DOCK4: variants seen among roughly 807,000 people sequenced by gnomAD.
DOCK4 encodes the protein dedicator of cytokinesis protein 4.
A neutral mutation model predicts 268.1 loss-of-function variants in DOCK4; 97 were observed. That is an observed-to-expected ratio of 0.36 (90% CI 0.31 to 0.43). The LOEUF is 0.43. DOCK4 is among the 20% of genes least tolerant of loss of function. DOCK4 has a pLI of 1.00. For synonymous variants in DOCK4, 954 were observed against 887.2 expected, an observed-to-expected ratio of 1.08 and a Z score of -1.34; for missense variants, 2,145 against 2,455.7, an observed-to-expected ratio of 0.87 and a Z score of 2.67.
chr7:111,891,737 T>A (rs1230913927), intron 16 of DOCK4, among the ~76,000 whole-genome samples: 2 of 152,218 alleles, frequency 1.3e-5, no homozygotes, highest in Non-Finnish European at 2.9e-5. Flanking sequence ...TCCCTTAACC[T>A]TGCTCTCCAA....
chr7:111,894,593 G>T (rs1380914589), intron 16 of DOCK4, among the ~76,000 whole-genome samples: 1 of 152,154 alleles, frequency 6.6e-6, no homozygotes. Flanking sequence ...CCAGGGATGA[G>T]CAGAAGACAC....
chr7:111,977,338 G>A, intron 7 of DOCK4, 55 bp from the exon 8 acceptor site: 2 of 1,545,508 alleles, frequency 1.3e-6, no homozygotes, highest in Non-Finnish European at 1.7e-6. Context: ...GGAAATAACA[G>A]GACCCAACAA....
At chr7:111,976,272 TATATATATATATATATATA>T (rs1798194825) in intron 8 of DOCK4, among the ~76,000 whole-genome samples, 1 of 1,914 alleles carries the variant, frequency 5.2e-4, no homozygotes, top group African/African-American at 8.7e-4. Context: ...GTGTCTATTA[TATATATATATATATATATA>T]TATATATATA....
intron 36 of DOCK4, among the ~76,000 whole-genome samples, chr7:111,771,517 C>T (rs1366048151): frequency 6.6e-6 from 1 of 152,166 alleles, no homozygotes; most frequent in East Asian, 1.9e-4. Flanking sequence ...CGGACACAGA[C>T]ACAGAGCTGA....
At chr7:112,038,538 G>A (rs991586157) in intron 1 of DOCK4, among the ~76,000 whole-genome samples, 2 of 152,088 alleles carry the variant, frequency 1.3e-5, no homozygotes, top group African/African-American at 4.8e-5. Flanking sequence ...GCCAAGTGAG[G>A]TCAAGAACAG....
At chr7:112,175,201 T>C (rs1018785725) in intron 1 of DOCK4, among the ~76,000 whole-genome samples, 1 of 152,144 alleles carries the variant, frequency 6.6e-6, no homozygotes, top group African/African-American at 2.4e-5. Flanking sequence ...ATCTTAATCA[T>C]TTCTTCATCT....
At chr7:112,159,752 T>C (rs1295479727) in intron 1 of DOCK4, among the ~76,000 whole-genome samples, 1 of 148,066 alleles carries the variant, frequency 6.8e-6, no homozygotes, top group Admixed American at 6.7e-5. Context: ...TGCATATACC[T>C]TCCCTCTGTA....
At chr7:112,134,129 A>T (rs900341679) in intron 1 of DOCK4, among the ~76,000 whole-genome samples, 3 of 152,212 alleles carry the variant, frequency 2.0e-5, no homozygotes, top group African/African-American at 7.2e-5. Context: ...ATGCTTCAGA[A>T]TCGTTTCAAT....
intron 1 of DOCK4, among the ~76,000 whole-genome samples, chr7:112,149,953 C>T (rs906560405): frequency 6.6e-6 from 1 of 152,212 alleles, no homozygotes; most frequent in African/African-American, 2.4e-5. Flanking sequence ...ATTTACTGAA[C>T]ATTTACTGTG....
chr7:112,186,189 G>A (rs1406303141), intron 1 of DOCK4, among the ~76,000 whole-genome samples: 1 of 152,178 alleles, frequency 6.6e-6, no homozygotes, highest in Non-Finnish European at 1.5e-5. Flanking sequence ...CATCCCAGTG[G>A]GGTTGCTTGG....
At chr7:111,978,334 C>A (rs1002087831) in intron 7 of DOCK4, among the ~76,000 whole-genome samples, 2 of 152,164 alleles carry the variant, frequency 1.3e-5, no homozygotes, top group Non-Finnish European at 2.9e-5. Flanking sequence ...CAGGCTCAAG[C>A]GATCCTCCTG....
intron 46 of DOCK4, 133 bp downstream of exon 46, chr7:111,741,407 A>G: frequency 1.4e-6 from 2 of 1,420,662 alleles, no homozygotes; most frequent in Middle Eastern, 1.9e-4. Context: ...AGAGGTCTGC[A>G]GCTGCCTCGC....
intron 12 of DOCK4, among the ~76,000 whole-genome samples, 172 bp from the exon 13 acceptor site, chr7:111,916,076 A>C (rs1413261465): frequency 6.6e-6 from 1 of 152,198 alleles, no homozygotes; most frequent in Non-Finnish European, 1.5e-5. Context: ...CACTTTTCCA[A>C]CTTCAACATC....
intron 1 of DOCK4, among the ~76,000 whole-genome samples, chr7:112,088,203 T>C (rs1244725872): frequency 6.6e-6 from 1 of 152,026 alleles, no homozygotes; most frequent in Non-Finnish European, 1.5e-5. Context: ...GGAGGATCAG[T>C]TTTAGAGTGA....
At chr7:111,937,509 G>A (rs1794837696) in intron 11 of DOCK4, among the ~76,000 whole-genome samples, 1 of 152,170 alleles carries the variant, frequency 6.6e-6, no homozygotes, top group Admixed American at 6.5e-5. Flanking sequence ...TGGCAGGGCT[G>A]GAATGCATAG....
intron 22 of DOCK4, among the ~76,000 whole-genome samples, chr7:111,866,218 G>C (rs971936831): frequency 5.3e-5 from 8 of 152,196 alleles, no homozygotes; most frequent in Admixed American, 2.6e-4. Context: ...AAGGGAACCT[G>C]GTACAGGCAG....
intron 1 of DOCK4, among the ~76,000 whole-genome samples, chr7:112,116,064 C>G (rs971914873): frequency 6.6e-6 from 1 of 152,094 alleles, no homozygotes; most frequent in African/African-American, 2.4e-5. Flanking sequence ...ACACTAAGTA[C>G]ATTCACAAGG....
chr7:112,010,609 G>A (rs1405459670), intron 1 of DOCK4, among the ~76,000 whole-genome samples: 1 of 152,172 alleles, frequency 6.6e-6, no homozygotes, highest in Non-Finnish European at 1.5e-5. Context: ...ACATGTTTGG[G>A]ATCTGCCTTC....
chr7:112,030,770 C>T (rs1010199109), intron 1 of DOCK4, among the ~76,000 whole-genome samples: 3 of 152,286 alleles, frequency 2.0e-5, no homozygotes, highest in South Asian at 2.1e-4. Context: ...ACAATGAACT[C>T]GTGGACCCAA....
Sources: gnomAD v4.1 joint callset for allele counts (sites outside exome capture counted in the v4.1 genomes callset) on GRCh38, gnomAD v4.1.1 for gene constraint, MANE v1.5 for transcripts, NCBI Gene and HGNC (gene_info 2026-07-23, HGNC 2026-07-21) for gene names.